Variants in SLC14A2 observed in about 807,000 individuals in gnomAD.
The protein encoded by SLC14A2 is urea transporter 2.
SLC14A2 carries 91 observed loss-of-function variants against 104.6 expected under a neutral mutation model. The ratio of observed to expected loss-of-function variants is 0.87; its 90% CI spans 0.73 to 1.04. SLC14A2 has a LOEUF of 1.04. Among genes scored for constraint, SLC14A2 ranks in the 50% least tolerant of loss-of-function variants. The probability of loss-of-function intolerance (pLI) is 0.00; values close to 1 mark genes in which losing one functional copy is unlikely to be tolerated. For missense variants in SLC14A2, 1,189 were observed against 1,156.0 expected (o/e 1.03, Z -0.41); for synonymous variants, 476 against 466.4 (o/e 1.02, Z -0.27).
chr18:45,557,371 C>T (rs948841460), intron 2 of SLC14A2, among the ~76,000 whole-genome samples: 2 of 152,218 alleles, frequency 1.3e-5, no homozygotes, highest in Non-Finnish European at 2.9e-5. Context: ...AAAGCAGTGC[C>T]TAACATGCTC....
At chr18:45,263,851 T>G (rs1214363707) in intron 1 of SLC14A2, among the ~76,000 whole-genome samples, 2 of 152,198 alleles carry the variant, frequency 1.3e-5, no homozygotes, top group Non-Finnish European at 2.9e-5. Flanking sequence ...TTTTCCTTAC[T>G]ACAGCTGTGG....
intron 4 of SLC14A2, among the ~76,000 whole-genome samples, chr18:45,627,752 C>T (rs920926252): frequency 6.6e-6 from 1 of 152,076 alleles, no homozygotes; most frequent in African/African-American, 2.4e-5. Flanking sequence ...CTCACGCCTA[C>T]AATCTCAGCA....
chr18:45,362,933 T>C (rs2085627281), intron 1 of SLC14A2, among the ~76,000 whole-genome samples: 1 of 152,072 alleles, frequency 6.6e-6, no homozygotes, highest in Non-Finnish European at 1.5e-5. Context: ...AGATCTGCCA[T>C]GAGACTGGAG....
At chr18:45,292,404 G>A (rs2084878910) in intron 1 of SLC14A2, among the ~76,000 whole-genome samples, 2 of 152,240 alleles carry the variant, frequency 1.3e-5, no homozygotes, top group African/African-American at 4.8e-5. Flanking sequence ...ACTCATGGCA[G>A]TTGTGTTAGT....
intron 10 of SLC14A2, among the ~76,000 whole-genome samples, chr18:45,657,242 C>T (rs1316027914): frequency 6.6e-6 from 1 of 151,902 alleles, no homozygotes; most frequent in Non-Finnish European, 1.5e-5. Flanking sequence ...GAGGCAGAAG[C>T]GGGTGGATCA....
chr18:45,349,681 C>T (rs1170799366), intron 1 of SLC14A2, among the ~76,000 whole-genome samples: 1 of 152,216 alleles, frequency 6.6e-6, no homozygotes, highest in African/African-American at 2.4e-5. Flanking sequence ...GGTTACAGCT[C>T]TCTCCTCTCC....
At position 45,672,979 on chromosome 18, in the gene SLC14A2, C is replaced by A. The variant is rs780338834; in HGVS notation, c.2309C>A (p.Ala770Asp). 3.3e-5 allele frequency: 53 copies of A among 1,613,990 alleles called. No individual in the cohort carries two copies. The East Asian group carries it at 1.2e-3, about 35-fold the overall frequency. ...NPWTGGIFLIALFISSPLICL... is the reference protein window; with the variant it reads ...NPWTGGIFLIDLFISSPLICL... ...TGGACTGGAGGCATCTTCCTCATAG[C>A]TCTGTTCATATCCTCACCTCTCATT... Residue 770 changes from alanine to aspartate, a missense_variant, in exon 17 of 20, where the codon GCT becomes GAT. Coordinates refer to ENST00000255226, the MANE Select transcript of SLC14A2 (RefSeq NM_007163.4).
upstream of SLC14A2, among the ~76,000 whole-genome samples, chr18:45,209,366 AC>A (rs1342182923): frequency 4.4e-4 from 67 of 151,918 alleles, 1 homozygote; most frequent in Non-Finnish European, 7.2e-4. Flanking sequence ...AACAACAACA[AC>A]AACAACAACA....
chr18:45,203,428 C>G, the SLC14A2 span, among the ~76,000 whole-genome samples: 1 of 152,180 alleles, frequency 6.6e-6, no homozygotes, highest in African/African-American at 2.4e-5. Flanking sequence ...TTTCTTCTTG[C>G]TAACGTTTGG....
chr18:45,421,272 T>A (rs1364919442), intron 1 of SLC14A2, among the ~76,000 whole-genome samples: 5 of 151,244 alleles, frequency 3.3e-5, no homozygotes, highest in Non-Finnish European at 5.9e-5. Context: ...TTTTTTTTAA[T>A]CAATTTCCCA....
At chr18:45,568,536 A>G (rs2044299648) in intron 2 of SLC14A2, among the ~76,000 whole-genome samples, 1 of 152,234 alleles carries the variant, frequency 6.6e-6, no homozygotes, top group Non-Finnish European at 1.5e-5. Flanking sequence ...AATGAGTTGT[A>G]AGCAAAAATG....
At chr18:45,473,353 T>G (rs1295420626) in intron 1 of SLC14A2, among the ~76,000 whole-genome samples, 1 of 152,236 alleles carries the variant, frequency 6.6e-6, no homozygotes, top group Non-Finnish European at 1.5e-5. Context: ...TTGTCTTAGC[T>G]ACATGGGCTC....
chr18:45,317,202 C>G lies in SLC14A2; in HGVS notation c.-125+104011C>G, dbSNP rs952790864. Among the ~76,000 whole-genome samples, 48 of 152,166 alleles carry G rather than the reference C, an allele frequency of 3.2e-4. 1 individual carries two copies. The highest frequency in any genetic ancestry group is 6.5e-4 in the Admixed American group (10 of 15,276). Reference sequence around the variant, plus strand: ...ATGAAGCACTGTAAGATACACATCCCCTTTTGTTCAGGAAACTTAGAGTCT... The same window carrying G: ...ATGAAGCACTGTAAGATACACATCCGCTTTTGTTCAGGAAACTTAGAGTCT... On this transcript the variant is annotated intron_variant, in intron 1 of 20. Transcript: ENST00000586448.
At chr18:45,365,472 A>G (rs1223662435) in intron 1 of SLC14A2, among the ~76,000 whole-genome samples, 4 of 152,232 alleles carry the variant, frequency 2.6e-5, no homozygotes, top group Non-Finnish European at 4.4e-5. Context: ...AGAGGAACAA[A>G]ACAGGCATGT....
the SLC14A2 span, among the ~76,000 whole-genome samples, chr18:45,182,232 C>A: frequency 6.6e-6 from 1 of 151,218 alleles, no homozygotes; most frequent in East Asian, 1.9e-4. Context: ...ATATTTGGTA[C>A]GTTAGAAAAA....
At chr18:45,212,163 G>C (rs1010311075), upstream of SLC14A2, among the ~76,000 whole-genome samples, 1 of 152,134 alleles carries the variant, frequency 6.6e-6, no homozygotes, top group Admixed American at 6.6e-5. Context: ...TATATTTGTA[G>C]TCCAACATAG....
chr18:45,574,494 C>T (rs2044393114), intron 2 of SLC14A2, among the ~76,000 whole-genome samples: 2 of 152,144 alleles, frequency 1.3e-5, no homozygotes, highest in African/African-American at 4.8e-5. Context: ...GTCCCACCCT[C>T]AAGGGAGAGG....
At chr18:45,246,120 G>A (rs1216202024) in intron 1 of SLC14A2, among the ~76,000 whole-genome samples, 1 of 152,038 alleles carries the variant, frequency 6.6e-6, no homozygotes, top group Admixed American at 6.6e-5. Flanking sequence ...CATAAAGGAG[G>A]GGTCCTAATC....
the SLC14A2 span, among the ~76,000 whole-genome samples, chr18:45,200,201 G>A: frequency 6.6e-6 from 1 of 152,018 alleles, no homozygotes; most frequent in Non-Finnish European, 1.5e-5. Context: ...TGCTGTGGAA[G>A]TACCCTTCGT....
Sources: gnomAD v4.1 joint callset for allele counts (sites outside exome capture counted in the v4.1 genomes callset) on GRCh38, gnomAD v4.1.1 for gene constraint, MANE v1.5 for transcripts, NCBI Gene and HGNC (gene_info 2026-07-23, HGNC 2026-07-21) for gene names.